ZSWIM2: variants seen among roughly 807,000 people sequenced by gnomAD.
The protein encoded by ZSWIM2 is zinc finger SWIM-type containing 2.
ZSWIM2 carries 38 observed loss-of-function variants against 48.4 expected under a neutral mutation model. That is an observed-to-expected ratio of 0.79 (90% CI 0.61 to 1.03). The LOEUF (loss-of-function observed/expected upper bound fraction) is 1.03, where lower values mean the gene tolerates loss of function less well. Among genes scored for constraint, ZSWIM2 ranks in the 50% least tolerant of loss-of-function variants. The probability of loss-of-function intolerance (pLI) is 0.00; values close to 1 mark genes in which losing one functional copy is unlikely to be tolerated. For synonymous variants in ZSWIM2, 240 were observed against 251.3 expected (o/e 0.96, Z 0.42); for missense variants, 776 against 730.2 (o/e 1.06, Z -0.72).
rs1410211593 is a variant in ZSWIM2 at position 186,828,153 on chromosome 2, T to C, written c.1733A>G (p.Asn578Ser). 10 of 1,613,466 alleles carry C rather than the reference T, an allele frequency of 6.2e-6. No individual in the cohort carries two copies. The African/African-American group carries it at 1.2e-4, about 19-fold the overall frequency. ...AGCTGTGCTCCAATTGACAATAAGA[T>C]TGAAATCCTCTGGAAGTAAAGTTGA... ...KRSTLLPEDFNLIVNWSTAKL... is the reference protein window; with the variant it reads ...KRSTLLPEDFSLIVNWSTAKL... Residue 578 changes from asparagine (N) to serine (S), a missense_variant, in exon 9 of 9, where the codon AAT (asparagine) becomes AGT (serine). By Grantham distance (46) the Asn-to-Ser change is conservative. Coordinates refer to ENST00000295131, the MANE Select transcript of ZSWIM2 (RefSeq NM_182521.3).
chr2:186,844,835 A>C, intron 2 of ZSWIM2, 78 bp from the exon 3 acceptor site: 1 of 1,216,156 alleles, frequency 8.2e-7, no homozygotes, highest in Non-Finnish European at 1.1e-6. Flanking sequence ...AATATTTAGA[A>C]TAGAAATTGA....
chr2:186,847,677 G>A (rs1170168138), intron 2 of ZSWIM2, 42 bp downstream of exon 2: 1 of 1,460,644 alleles, frequency 6.8e-7, no homozygotes, highest in Non-Finnish European at 9.4e-7. Flanking sequence ...AACACACCAA[G>A]ATGTTCCTTC....
chr2:186,836,130 C>A (rs950736641), intron 5 of ZSWIM2, among the ~76,000 whole-genome samples: 1 of 152,086 alleles, frequency 6.6e-6, no homozygotes, highest in African/African-American at 2.4e-5. Flanking sequence ...CACTGTGGCC[C>A]TCACATGTCC....
intron 6 of ZSWIM2, 113 bp from the exon 7 acceptor site, chr2:186,833,345 CATAT>C: frequency 2.0e-6 from 1 of 505,310 alleles, no homozygotes; most frequent in Non-Finnish European, 3.5e-6. Context: ...ATATTTTAAG[CATAT>C]ATATTATTTT....
chr2:186,842,325 A>G (rs984812763), intron 3 of ZSWIM2, among the ~76,000 whole-genome samples: 3 of 151,282 alleles, frequency 2.0e-5, no homozygotes, highest in African/African-American at 4.8e-5. Flanking sequence ...TTTGAATATT[A>G]TTAGTCTCTA....
Position 186,838,972 on chromosome 2 carries a change from C to T in ZSWIM2, c.481G>A (p.Val161Ile). The T allele has an allele frequency of 6.2e-7, 1 of 1,607,080 alleles. No homozygotes were observed. The highest frequency in any genetic ancestry group is 8.5e-7 in the Non-Finnish European group (1 of 1,176,004). Reference protein sequence around the residue: ...QELLLEKKLPVTFCRFGCGNS... With the variant: ...QELLLEKKLPITFCRFGCGNS... ...AAAGTACATCACCTGCAAAAGGTGA[C>T]AGGAAGCTTTTTCTCTAAAAGTAGC... is the stretch of plus-strand genomic sequence containing the variant. Residue 161 changes from valine to isoleucine, a missense_variant, in exon 4 of 9, where the codon GTC (valine) becomes ATC (isoleucine). Transcript: ENST00000295131.
intron 3 of ZSWIM2, 61 bp from the exon 4 acceptor site, chr2:186,839,230 C>T (rs910448744): frequency 6.9e-7 from 1 of 1,449,616 alleles, no homozygotes; most frequent in Non-Finnish European, 9.5e-7. Flanking sequence ...AGAGAGGTAA[C>T]AACTTATGCT....
At position 186,839,065 on chromosome 2, in the gene ZSWIM2, C is replaced by A. The variant is rs868557830; in HGVS notation, c.388G>T (p.Val130Phe). 1 of 1,611,906 alleles carries A rather than the reference C, an allele frequency of 6.2e-7. No homozygotes were observed. Among genetic ancestry groups the A allele is most frequent in the Non-Finnish European group, 8.5e-7 (1 of 1,178,466 alleles). The part of the protein sequence containing the change: ...QPGTNDENEH[V>F]EEDGYIKQKE... ...TGTTTAATGTACCCATCTTCTTCAACATGTTCATTTTCGTCATTTGTTCCT... is the reference window on the plus strand; with the variant it reads ...TGTTTAATGTACCCATCTTCTTCAAAATGTTCATTTTCGTCATTTGTTCCT... The change falls in exon 4 of 9, where the codon GTT (valine) becomes TTT (phenylalanine). Residue 130 changes from valine to phenylalanine, a missense_variant. Physicochemically the swap from Val to Phe is conservative, Grantham distance 50 (BLOSUM62 -1). Transcript: ENST00000295131.
Position 186,827,875 on chromosome 2 carries a change from C to A in ZSWIM2, c.*109G>T. ...CTGTTTATAGGTAAGTAGGCAAATT[C>A]CAACAGAGAATTTTATATACATTTG... On this transcript the variant is annotated 3_prime_UTR_variant, in exon 9 of 9. Transcript: ENST00000295131. The A allele has an allele frequency of 1.0e-6, 1 of 978,378 alleles. No individual in the cohort carries two copies. Among genetic ancestry groups the A allele is most frequent in the Non-Finnish European group, 1.4e-6 (1 of 695,696 alleles). The allele number at this position is 978,378 out of a possible 1,614,324, so 60.6% of individuals were successfully genotyped here.
At chr2:186,843,511 A>G (rs570410346) in intron 3 of ZSWIM2, among the ~76,000 whole-genome samples, 1 of 151,780 alleles carries the variant, frequency 6.6e-6, no homozygotes, top group East Asian at 1.9e-4. Flanking sequence ...CACTTGAGAA[A>G]TATGTAGGAT....
At chr2:186,830,552 C>T (rs1315489438) in intron 7 of ZSWIM2, among the ~76,000 whole-genome samples, 1 of 152,068 alleles carries the variant, frequency 6.6e-6, no homozygotes, top group Non-Finnish European at 1.5e-5. Flanking sequence ...ACCCAATTTA[C>T]TCTGTCTTCT....
At chr2:186,841,495 G>C (rs774055317) in intron 3 of ZSWIM2, among the ~76,000 whole-genome samples, 6 of 151,192 alleles carry the variant, frequency 4.0e-5, no homozygotes, top group African/African-American at 7.3e-5. Context: ...CAATACATGG[G>C]GGGGAGACAT....
chr2:186,848,894 TTGGGTATGCCAG>T (rs1300718305), intron 1 of ZSWIM2, 60 bp downstream of exon 1: 5 of 1,584,500 alleles, frequency 3.2e-6, no homozygotes, highest in Non-Finnish European at 4.3e-6. Flanking sequence ...GCTACGCACA[TTGGGTATGCCAG>T]TGGGGGAACC....
intron 7 of ZSWIM2, among the ~76,000 whole-genome samples, chr2:186,831,278 T>C (rs1691694287): frequency 6.6e-6 from 1 of 152,028 alleles, no homozygotes; most frequent in Admixed American, 6.6e-5. Flanking sequence ...TTCCAATGTG[T>C]GTGGAGTACC....
intron 1 of ZSWIM2, among the ~76,000 whole-genome samples, chr2:186,848,383 G>A (rs997596174): frequency 2.6e-5 from 4 of 152,214 alleles, no homozygotes; most frequent in African/African-American, 7.2e-5. Context: ...AGGTAGTGCA[G>A]TGGCTAATTT....
Position 186,841,426 on chromosome 2 carries a change from AATTGACAT to A in ZSWIM2, c.284-2265_284-2258del, listed in dbSNP as rs1206890491. ...CCAAAAAACAAATAAAACTTAAAGA[AATTGACAT>A]ATTTCTGAAATCACTGTAAATCAGC... On this transcript the variant is annotated intron_variant, in intron 3 of 8. Transcript: ENST00000295131. Among the ~76,000 whole-genome samples, 4 of 151,558 alleles carry A rather than the reference AATTGACAT, an allele frequency of 2.6e-5. No homozygotes were observed. In the East Asian group the frequency reaches 7.7e-4, roughly 29 times the overall value.
At chr2:186,848,832 G>A (rs1485215927) in intron 1 of ZSWIM2, 134 bp downstream of exon 1, 3 of 1,121,240 alleles carry the variant, frequency 2.7e-6, no homozygotes, top group Non-Finnish European at 4.0e-6. Flanking sequence ...ACACTCGTGG[G>A]AAGGCGCTTT....
chr2:186,840,879 G>GA (rs1320070881), intron 3 of ZSWIM2, among the ~76,000 whole-genome samples: 1 of 151,274 alleles, frequency 6.6e-6, no homozygotes, highest in African/African-American at 2.4e-5. Context: ...AAAAACATTT[G>GA]AAAAAAGTAA....
chr2:186,837,383 T>C lies in ZSWIM2; in HGVS notation c.666A>G (p.Glu222=), dbSNP rs1474696712. The change falls in exon 5 of 9, where the codon GAA becomes GAG. Residue 222 remains glutamate (E), a synonymous_variant. Coordinates refer to ENST00000295131, the MANE Select transcript of ZSWIM2 (RefSeq NM_182521.3). ...KNSSKLVAAA[E]KERLDKHLGI... is the part of the protein sequence containing the mutation. Reference sequence around the variant, plus strand: ...CAAGGTGTTTGTCCAGTCTCTCTTTTTCTGCTGCAGCTACTAGTTTGCTAG... The same window carrying C: ...CAAGGTGTTTGTCCAGTCTCTCTTTCTCTGCTGCAGCTACTAGTTTGCTAG... 6 of 1,613,030 alleles carry C rather than the reference T, an allele frequency of 3.7e-6. No homozygotes were observed. The highest frequency in any genetic ancestry group is 5.1e-6 in the Non-Finnish European group (6 of 1,179,386).
Sources: allele counts gnomAD v4.1 joint callset (sites outside exome capture counted in the v4.1 genomes callset), GRCh38; gene constraint gnomAD v4.1.1; transcripts MANE v1.5; gene names NCBI Gene and HGNC (gene_info 2026-07-23, HGNC 2026-07-21).